The following APBA1 variants were observed in gnomAD, a reference collection of about 807,000 sequenced individuals.
The protein encoded by APBA1 is amyloid beta precursor protein binding family A member 1, also known as amyloid-beta A4 precursor protein-binding family A member 1.
APBA1 carries 55 observed loss-of-function variants against 86.6 expected under a neutral mutation model. The observed-to-expected ratio is 0.64, with a 90% CI of 0.51 to 0.80. The LOEUF is 0.80. Among genes scored for constraint, APBA1 ranks in the 30% least tolerant of loss-of-function variants. The pLI, the probability that APBA1 is intolerant of heterozygous loss-of-function variation, is 0.00. For missense variants in APBA1, 1,090 were observed against 1,183.0 expected (o/e 0.92, Z 1.15); for synonymous variants, 511 against 493.9 (o/e 1.03, Z -0.46).
At chr9:69,476,465 C>T (rs1489227936) in intron 2 of APBA1, among the ~76,000 whole-genome samples, 1 of 152,140 alleles carries the variant, frequency 6.6e-6, no homozygotes, top group Non-Finnish European at 1.5e-5. Context: ...GGATATTACA[C>T]AAACATGTTT....
At chr9:69,530,345 C>CACACAT (rs1554697913) in intron 1 of APBA1, among the ~76,000 whole-genome samples, 50 of 146,492 alleles carry the variant, frequency 3.4e-4, no homozygotes, top group African/African-American at 5.6e-4. Flanking sequence ...CACACACACA[C>CACACAT]ACACACACAC....
At chr9:69,562,320 C>A (rs534704433) in intron 1 of APBA1, among the ~76,000 whole-genome samples, 1 of 151,780 alleles carries the variant, frequency 6.6e-6, no homozygotes, top group Non-Finnish European at 1.5e-5. Context: ...GAGAATTATA[C>A]CTTATAGTAT....
intron 1 of APBA1, among the ~76,000 whole-genome samples, chr9:69,636,856 GGAGGGAGGGAGA>G (rs1323200428): frequency 5.3e-4 from 28 of 52,736 alleles, no homozygotes; most frequent in African/African-American, 1.1e-3. Context: ...AGGGAGGGAG[GGAGGGAGGGAGA>G]GAGAAAGAAA....
At chr9:69,440,780 A>C (rs1834805645) in intron 11 of APBA1, among the ~76,000 whole-genome samples, 1 of 151,952 alleles carries the variant, frequency 6.6e-6, no homozygotes, top group Non-Finnish European at 1.5e-5. Context: ...AGTGCGCTGC[A>C]CCCACTGTCC....
At chr9:69,548,229 T>G (rs1259771604) in intron 1 of APBA1, among the ~76,000 whole-genome samples, 2 of 152,100 alleles carry the variant, frequency 1.3e-5, no homozygotes, top group Non-Finnish European at 2.9e-5. Flanking sequence ...AGCCCACAGC[T>G]GCATGGAAAT....
intron 1 of APBA1, among the ~76,000 whole-genome samples, chr9:69,642,442 C>T (rs1280709905): frequency 6.6e-6 from 1 of 152,132 alleles, no homozygotes; most frequent in Admixed American, 6.5e-5. Flanking sequence ...AACTAAAAAG[C>T]CTGAAAATTC....
At chr9:69,566,807 C>T (rs187408573) in intron 1 of APBA1, among the ~76,000 whole-genome samples, 51 of 152,214 alleles carry the variant, frequency 3.4e-4, no homozygotes, top group African/African-American at 1.2e-3. Context: ...CCCCTACCTG[C>T]CCCACCCCAC....
intron 10 of APBA1, among the ~76,000 whole-genome samples, chr9:69,442,890 T>G (rs1424858772): frequency 1.3e-5 from 2 of 152,242 alleles, no homozygotes; most frequent in Non-Finnish European, 2.9e-5. Context: ...ACTGGAACTA[T>G]GGATCCCTGC....
intron 1 of APBA1, among the ~76,000 whole-genome samples, chr9:69,613,831 TA>T (rs1822641425): frequency 6.6e-6 from 1 of 152,218 alleles, no homozygotes; most frequent in Non-Finnish European, 1.5e-5. Flanking sequence ...TATACATTCA[TA>T]ATCTTTGGAC....
intron 1 of APBA1, among the ~76,000 whole-genome samples, chr9:69,605,724 C>T (rs1296041239): frequency 6.6e-6 from 1 of 152,232 alleles, no homozygotes; most frequent in Non-Finnish European, 1.5e-5. Flanking sequence ...AACCTCACAG[C>T]AGCATTTGTG....
At chr9:69,495,183 G>T (rs916013862) in intron 2 of APBA1, among the ~76,000 whole-genome samples, 1 of 152,038 alleles carries the variant, frequency 6.6e-6, no homozygotes, top group Non-Finnish European at 1.5e-5. Flanking sequence ...ACTGCCTCCT[G>T]TCTGGGGTAA....
chr9:69,620,136 G>A (rs892671772), intron 1 of APBA1, among the ~76,000 whole-genome samples: 3 of 152,154 alleles, frequency 2.0e-5, no homozygotes, highest in Admixed American at 6.5e-5. Context: ...CCCTCACCAC[G>A]TTAGATCTGG....
chr9:69,651,529 G>A (rs1361341149), intron 1 of APBA1, among the ~76,000 whole-genome samples: 1 of 152,012 alleles, frequency 6.6e-6, no homozygotes, highest in African/African-American at 2.4e-5. Flanking sequence ...AGGCTAGAGT[G>A]TAATGGTGTG....
intron 2 of APBA1, 96 bp from the exon 3 acceptor site, chr9:69,476,239 C>T (rs1178368239): frequency 7.4e-6 from 6 of 813,494 alleles, no homozygotes; most frequent in Non-Finnish European, 1.2e-5. Flanking sequence ...CAAAGCAGAA[C>T]ACAATCGAAC....
intron 3 of APBA1, chr9:69,474,237 T>C (rs1835408803): frequency 6.6e-6 from 1 of 152,224 alleles, no homozygotes. Flanking sequence ...ATGTAGTCTG[T>C]GACCTGCAAA....
At chr9:69,530,323 TATATATAC>T (rs1178099613) in intron 1 of APBA1, among the ~76,000 whole-genome samples, 1 of 116,146 alleles carries the variant, frequency 8.6e-6, no homozygotes, top group African/African-American at 2.9e-5. Flanking sequence ...TATATATATA[TATATATAC>T]ACACACACAC....
intron 2 of APBA1, among the ~76,000 whole-genome samples, chr9:69,491,017 T>C (rs1165894364): frequency 3.3e-5 from 5 of 152,220 alleles, no homozygotes; most frequent in African/African-American, 7.2e-5. Flanking sequence ...GGACTGTAAA[T>C]TAGTTCAACC....
intron 1 of APBA1, among the ~76,000 whole-genome samples, chr9:69,522,302 C>T (rs569913757): frequency 6.6e-6 from 1 of 152,008 alleles, no homozygotes; most frequent in African/African-American, 2.4e-5. Flanking sequence ...CTTTATCCCC[C>T]ACCCCTCCCA....
intron 2 of APBA1, among the ~76,000 whole-genome samples, chr9:69,505,769 G>A (rs1235399682): frequency 6.6e-6 from 1 of 152,070 alleles, no homozygotes; most frequent in South Asian, 2.1e-4. Flanking sequence ...TGTAATCCCA[G>A]TATTTTGGGA....
Sources: gnomAD v4.1 joint callset for allele counts (sites outside exome capture counted in the v4.1 genomes callset) on GRCh38, gnomAD v4.1.1 for gene constraint, MANE v1.5 for transcripts, NCBI Gene and HGNC (gene_info 2026-07-23, HGNC 2026-07-21) for gene names.